Variants in CNTN6 observed in about 807,000 individuals in gnomAD.
The protein encoded by CNTN6 is contactin-6.
A neutral mutation model predicts 122.8 loss-of-function variants in CNTN6; 137 were observed. The observed-to-expected ratio is 1.12, with a 90% CI of 0.97 to 1.29. CNTN6 has a LOEUF of 1.29. CNTN6 is among the 50% of genes most tolerant of loss of function. The pLI, the probability that CNTN6 is intolerant of heterozygous loss-of-function variation, is 0.00. For synonymous variants in CNTN6, 570 were observed against 426.0 expected (o/e 1.34, Z -4.16); for missense variants, 1,634 against 1,223.4 (o/e 1.34, Z -5.01).
rs540920656 is a variant in CNTN6, at chr3:1,393,516, C to A, written c.2704+7719C>A. ...GGCACATGTATACATATGTAACTAA[C>A]CTGCACGTTGTGCACATGTACCCTA... On this transcript the variant is annotated intron_variant, in intron 20 of 22. Transcript: ENST00000446702. Among the ~76,000 whole-genome samples the A allele has an allele frequency of 5.6e-5, 8 of 143,728 alleles. No homozygotes were observed. The South Asian group carries it at 1.6e-3, about 29-fold the overall frequency. The allele number at this position is 143,728 out of a possible 152,430, so 94.3% of individuals were successfully genotyped here. A position where few individuals can be genotyped will look rare whatever the true frequency, so the allele number is the denominator to read the frequency against.
rs200888976 is a variant in CNTN6 at position 1,298,348 on chromosome 3, AC to A, written c.761+358del. On this transcript the variant is annotated intron_variant, in intron 7 of 22. Coordinates refer to ENST00000446702, the MANE Select transcript of CNTN6 (RefSeq NM_001289080.2). The stretch of plus-strand genomic sequence containing the variant: ...CATATCCTTCACTCCATCTTGTCCT[AC>A]ATCCAGAAATACATTGCCTGGAGTA... The A allele has an allele frequency of 1.4e-3, 226 of 163,884 alleles. 4 individuals are homozygous for A. The East Asian group carries it at 0.031, about 22-fold the overall frequency. 10.2% of individuals were successfully genotyped at this position (163,884 alleles called of 1,614,324 possible). A position where few individuals can be genotyped will look rare whatever the true frequency, so the allele number is the denominator to read the frequency against.
At chr3:1,396,754 G>T (rs1397741297) in intron 20 of CNTN6, among the ~76,000 whole-genome samples, 1 of 152,116 alleles carries the variant, frequency 6.6e-6, no homozygotes, top group Non-Finnish European at 1.5e-5. Flanking sequence ...TTCTTTAAGG[G>T]TCGTAGAAGG....
At chr3:1,123,175 T>C (rs1437391778) in intron 1 of CNTN6, among the ~76,000 whole-genome samples, 2 of 151,900 alleles carry the variant, frequency 1.3e-5, no homozygotes, top group Non-Finnish European at 2.9e-5. Context: ...CATAACCGTT[T>C]TCTAAAAAAG....
intron 12 of CNTN6, among the ~76,000 whole-genome samples, chr3:1,362,078 C>A (rs1707544243): frequency 6.6e-6 from 1 of 152,022 alleles, no homozygotes. Flanking sequence ...GGACTATGTC[C>A]TAGTAAGAAA....
intron 12 of CNTN6, among the ~76,000 whole-genome samples, chr3:1,356,607 A>G (rs1229943006): frequency 6.6e-6 from 1 of 151,834 alleles, no homozygotes; most frequent in Non-Finnish European, 1.5e-5. Flanking sequence ...CCAAAAGTAC[A>G]CTTTCAGAGA....
Position 1,385,663 on chromosome 3 carries a change from T to C in CNTN6, c.2570T>C (p.Val857Ala), listed in dbSNP as rs1249514058. The C allele has an allele frequency of 2.5e-6, 4 of 1,613,816 alleles. No individual in the cohort carries two copies. Among genetic ancestry groups the C allele is most frequent in the Non-Finnish European group, 3.4e-6 (4 of 1,179,920 alleles). ...GAATCCATGATAGGTAAAATTAGAG[T>C]CAGTGGAAATGTCACAACCAAAAAC... ...SKESMIGKIR[V>A]SGNVTTKNIT... Residue 857 changes from valine (V) to alanine (A), a missense_variant, in exon 20 of 23, where the codon GTC becomes GCC. Physicochemically the swap from Val to Ala is moderately conservative, Grantham distance 64. Coordinates refer to ENST00000446702, the MANE Select transcript of CNTN6 (RefSeq NM_001289080.2).
At chr3:1,240,089 A>C (rs2094463817) in intron 4 of CNTN6, among the ~76,000 whole-genome samples, 1 of 152,204 alleles carries the variant, frequency 6.6e-6, no homozygotes, top group Non-Finnish European at 1.5e-5. Flanking sequence ...ACATTGGAAC[A>C]ACACTTCCAG....
chr3:1,101,615 G>A (rs1238640155), intron 1 of CNTN6, among the ~76,000 whole-genome samples: 1 of 152,118 alleles, frequency 6.6e-6, no homozygotes. Flanking sequence ...TGGAACATTT[G>A]CTAATTTTTT....
intron 2 of CNTN6, among the ~76,000 whole-genome samples, chr3:1,190,965 A>G (rs1575174230): frequency 6.6e-6 from 1 of 152,128 alleles, no homozygotes; most frequent in Non-Finnish European, 1.5e-5. Flanking sequence ...CTTCTACTTC[A>G]TTATTTTCAA....
chr3:1,343,956 C>G (rs899531764), intron 11 of CNTN6, among the ~76,000 whole-genome samples: 1 of 151,970 alleles, frequency 6.6e-6, no homozygotes, highest in Non-Finnish European at 1.5e-5. Context: ...ATTTGGAGAG[C>G]AAAAACTTAT....
At chr3:1,288,052 C>T (rs1042288428) in intron 5 of CNTN6, among the ~76,000 whole-genome samples, 28 of 152,186 alleles carry the variant, frequency 1.8e-4, no homozygotes, top group African/African-American at 6.8e-4. Flanking sequence ...ATGTGGCCTC[C>T]CAGGCTGAAC....
chr3:1,119,498 C>G (rs1272294274), intron 1 of CNTN6, among the ~76,000 whole-genome samples: 2 of 151,796 alleles, frequency 1.3e-5, no homozygotes, highest in South Asian at 2.1e-4. Flanking sequence ...TTGCCAGGGT[C>G]TGAGGAAATT....
intron 1 of CNTN6, among the ~76,000 whole-genome samples, chr3:1,147,569 A>G (rs567745343): frequency 1.4e-5 from 2 of 141,966 alleles, no homozygotes; most frequent in East Asian, 4.2e-4. Flanking sequence ...TGTCAAAATA[A>G]ATTAGAGAAA....
At chr3:1,155,273 G>A (rs894426661) in intron 2 of CNTN6, among the ~76,000 whole-genome samples, 4 of 152,128 alleles carry the variant, frequency 2.6e-5, no homozygotes, top group Non-Finnish European at 5.9e-5. Flanking sequence ...CTGCATCACT[G>A]ATGCCTAGTA....
rs1553610778 is a variant in CNTN6, at chr3:1,158,969, C to CACATATATATATATATATATATATATAT, written c.55+10907_55+10908insCATATATATATATATATATATATATATA. ...ATATATATATACACACACACACACA[C>CACATATATATATATATATATATATATAT]ATATATATATATATAGACAAGGTCT... On this transcript the variant is annotated intron_variant, in intron 2 of 22. Coordinates refer to ENST00000446702, the MANE Select transcript of CNTN6 (RefSeq NM_001289080.2). 1.8e-4 allele frequency among the ~76,000 whole-genome samples: 20 copies of CACATATATATATATATATATATATATAT among 112,938 alleles called. 1 individual carries two copies. The highest frequency in any genetic ancestry group is 5.2e-4 in the Admixed American group (6 of 11,566). The allele number at this position is 112,938 out of a possible 152,430, so 74.1% of individuals were successfully genotyped here.
chr3:1,135,973 C>G (rs1471924586), intron 1 of CNTN6, among the ~76,000 whole-genome samples: 1 of 152,154 alleles, frequency 6.6e-6, no homozygotes, highest in Non-Finnish European at 1.5e-5. Flanking sequence ...GCCTGGGTGA[C>G]AGAACCAAAC....
intron 4 of CNTN6, among the ~76,000 whole-genome samples, chr3:1,275,176 G>T (rs7647469): frequency 1.3e-5 from 2 of 151,900 alleles, no homozygotes; most frequent in Admixed American, 1.3e-4. Context: ...TGAATCGTCA[G>T]TCTCTTTCCT....
Position 1,245,197 on chromosome 3 carries a change from GATATATATATATATATATATAT to G in CNTN6, c.358+17222_358+17243del, listed in dbSNP as rs1217220571. Among the ~76,000 whole-genome samples the G allele has an allele frequency of 5.0e-4, 10 of 20,198 alleles. 3 individuals are homozygous for G. The highest frequency in any genetic ancestry group is 8.4e-4 in the African/African-American group (5 of 5,954). The allele number at this position is 20,198 out of a possible 152,430, so 13.3% of individuals were successfully genotyped here. A position where few individuals can be genotyped will look rare whatever the true frequency, so the allele number is the denominator to read the frequency against. Reference sequence around the variant, plus strand: ...TCAACAAGTAGGGTAAAGAAAATGTGATATATATATATATATATATATATATATATATATATATACACACACA... The same window carrying G: ...TCAACAAGTAGGGTAAAGAAAATGTGATATATATATATATATACACACACA... On this transcript the variant is annotated intron_variant, in intron 4 of 22. Coordinates refer to ENST00000446702, the MANE Select transcript of CNTN6 (RefSeq NM_001289080.2).
intron 4 of CNTN6, among the ~76,000 whole-genome samples, chr3:1,258,180 AG>A (rs1390486846): frequency 6.6e-6 from 1 of 152,118 alleles, no homozygotes; most frequent in Non-Finnish European, 1.5e-5. Flanking sequence ...AATATTTTGA[AG>A]GGAGGAAGAA....
Sources: gnomAD v4.1 joint callset for allele counts (sites outside exome capture counted in the v4.1 genomes callset) on GRCh38, gnomAD v4.1.1 for gene constraint, MANE v1.5 for transcripts, NCBI Gene and HGNC (gene_info 2026-07-23, HGNC 2026-07-21) for gene names.